DYNC2H1: variants seen among roughly 807,000 people sequenced by gnomAD.
DYNC2H1 encodes the protein cytoplasmic dynein 2 heavy chain 1.
DYNC2H1 carries 410 observed loss-of-function variants against 570.0 expected under a neutral mutation model. That is an observed-to-expected ratio of 0.72 (90% CI 0.66 to 0.78). The LOEUF (loss-of-function observed/expected upper bound fraction) is 0.78, where lower values mean the gene tolerates loss of function less well. Among genes scored for constraint, DYNC2H1 ranks in the 30% least tolerant of loss-of-function variants. The pLI, the probability that DYNC2H1 is intolerant of heterozygous loss-of-function variation, is 0.00. For synonymous variants in DYNC2H1, 1,688 were observed against 1,677.6 expected (o/e 1.01, Z -0.15); for missense variants, 4,865 against 5,046.4 (o/e 0.96, Z 1.09).
At chr11:103,296,245 G>A (rs537640831) in intron 75 of DYNC2H1, among the ~76,000 whole-genome samples, 47 of 152,220 alleles carry the variant, frequency 3.1e-4, no homozygotes, top group Admixed American at 2.5e-3. Flanking sequence ...GTTCCTGAAG[G>A]GGACAATTGC....
In DYNC2H1 at chr11:103,288,684, T is replaced by TAAAAAAAAAAAAAAAAAAAAAAAAAAAA. The variant is rs57040929; in HGVS notation, c.11095+1105_11095+1106insAAAAAAAAAAAAAAAAAAAAAAAAAAAA. Among the ~76,000 whole-genome samples, 8 of 27,908 alleles carry TAAAAAAAAAAAAAAAAAAAAAAAAAAAA rather than the reference T, an allele frequency of 2.9e-4. 1 individual carries two copies. Among genetic ancestry groups the TAAAAAAAAAAAAAAAAAAAAAAAAAAAA allele is most frequent in the Non-Finnish European group, 4.2e-4 (7 of 16,734 alleles). 18.3% of individuals were successfully genotyped at this position (27,908 alleles called of 152,430 possible). A position where few individuals can be genotyped will look rare whatever the true frequency, so the allele number is the denominator to read the frequency against. The stretch of plus-strand genomic sequence containing the variant: ...CTACATGGTGAAACCCCGTCTCTAC[T>TAAAAAAAAAAAAAAAAAAAAAAAAAAAA]AAAAAAAAAAAAAAAAAAAAAAAAA... On this transcript the variant is annotated intron_variant, in intron 75 of 88. Transcript: ENST00000375735.
At chr11:103,343,406 A>G (rs1231883216) in intron 82 of DYNC2H1, among the ~76,000 whole-genome samples, 2 of 151,888 alleles carry the variant, frequency 1.3e-5, no homozygotes, top group Non-Finnish European at 2.9e-5. Flanking sequence ...TTTCTCCTAT[A>G]AGAATGATTT....
At chr11:103,286,774 C>A (rs1475067133) in intron 74 of DYNC2H1, among the ~76,000 whole-genome samples, 2 of 152,050 alleles carry the variant, frequency 1.3e-5, no homozygotes, top group Non-Finnish European at 2.9e-5. Context: ...AATGTTGAAA[C>A]CTACTGGCAG....
At chr11:103,237,833 T>C (rs917061058) in intron 63 of DYNC2H1, among the ~76,000 whole-genome samples, 2 of 152,138 alleles carry the variant, frequency 1.3e-5, no homozygotes, top group Non-Finnish European at 2.9e-5. Context: ...GAATAATTTT[T>C]TTACCAATGT....
chr11:103,121,045 T>C lies in DYNC2H1; in HGVS notation c.1360+9T>C. The C allele has an allele frequency of 6.7e-7, 1 of 1,490,146 alleles. No homozygotes were observed. The highest frequency in any genetic ancestry group is 9.1e-7 in the Non-Finnish European group (1 of 1,102,406). The allele number at this position is 1,490,146 out of a possible 1,614,324, so 92.3% of individuals were successfully genotyped here. The stretch of plus-strand genomic sequence containing the variant: ...TGTGGACTCAATTAAAGGTAAAAGT[T>C]TATGAGATTATAGTGTTTGCTTGAG... On this transcript the variant is annotated intron_variant, in intron 9 of 88. Transcript: ENST00000375735.
chr11:103,419,161 G>A (rs1943390670), intron 84 of DYNC2H1, among the ~76,000 whole-genome samples: 1 of 152,186 alleles, frequency 6.6e-6, no homozygotes, highest in Non-Finnish European at 1.5e-5. Flanking sequence ...TTGGGGTAGG[G>A]GTGGCGGCCG....
rs566532831 is a variant in DYNC2H1 at position 103,311,983 on chromosome 11, C to T, written c.11599C>T (p.Leu3867Phe). 9 of 1,613,616 alleles carry T rather than the reference C, an allele frequency of 5.6e-6. No homozygotes were observed. The highest frequency in any genetic ancestry group is 5.5e-5 in the South Asian group (5 of 91,012). ...ACATCGAGCTCATGCTCTCTTCAGT[C>T]TTGCATGGTTTCATGCTGCATGTCA... ...NTHRAHALFS[L>F]AWFHAACQER... Residue 3867 changes from leucine to phenylalanine, a missense_variant, in exon 79 of 89, where the codon CTT (leucine) becomes TTT (phenylalanine). Physicochemically the swap from Leu to Phe is conservative, Grantham distance 22. Transcript: ENST00000375735.
chr11:103,138,999 G>C (rs1187805806), intron 17 of DYNC2H1, among the ~76,000 whole-genome samples: 1 of 150,748 alleles, frequency 6.6e-6, no homozygotes, highest in Non-Finnish European at 1.5e-5. Context: ...GTTTATTTGC[G>C]TAGAGGTGTT....
At chr11:103,471,362 ACTG>A (rs1023564565) in intron 88 of DYNC2H1, among the ~76,000 whole-genome samples, 7 of 152,180 alleles carry the variant, frequency 4.6e-5, no homozygotes, top group Admixed American at 4.6e-4. Flanking sequence ...CATGAGATCT[ACTG>A]CTAAGTGTTT....
chr11:103,245,421 A>G lies in DYNC2H1; in HGVS notation c.10042+47A>G, dbSNP rs1329203841. 1 of 1,518,752 alleles carries G rather than the reference A, an allele frequency of 6.6e-7. No homozygotes were observed. 94.1% of individuals were successfully genotyped at this position (1,518,752 alleles called of 1,614,324 possible). A position where few individuals can be genotyped will look rare whatever the true frequency, so the allele number is the denominator to read the frequency against. ...GAGTGTAAATATTTTTAAAATTTCC[A>G]AAGTAAGTAATTAAACCAGGTGCAA... On this transcript the variant is annotated intron_variant, in intron 65 of 88. Transcript: ENST00000375735. This position sits in a 1 kb window ranked among gnomAD's most constrained non-coding sequence, Gnocchi z 4.5.
intron 59 of DYNC2H1, 71 bp downstream of exon 59, chr11:103,223,157 T>C: frequency 7.4e-7 from 1 of 1,346,774 alleles, no homozygotes; most frequent in South Asian, 1.7e-5. Flanking sequence ...TTAATAATTA[T>C]TATTTTTATT....
chr11:103,192,476 A>G (rs1179411231), intron 47 of DYNC2H1, among the ~76,000 whole-genome samples: 1 of 152,206 alleles, frequency 6.6e-6, no homozygotes, highest in Non-Finnish European at 1.5e-5. Flanking sequence ...TTTCTTAGAA[A>G]AAAGTTCAGG....
intron 18 of DYNC2H1, among the ~76,000 whole-genome samples, chr11:103,143,940 G>A (rs899309735): frequency 6.6e-6 from 1 of 152,200 alleles, no homozygotes. Flanking sequence ...AAGGCCTTGT[G>A]TAATCATGCA....
chr11:103,297,992 A>G (rs1335330536), intron 75 of DYNC2H1, among the ~76,000 whole-genome samples: 1 of 152,062 alleles, frequency 6.6e-6, no homozygotes. Flanking sequence ...TCAGGCTTCT[A>G]TCCTTCCCCA....
chr11:103,227,201 G>A (rs4754061), intron 59 of DYNC2H1, among the ~76,000 whole-genome samples: 9,643 of 150,246 alleles, frequency 0.064, 571 homozygotes, highest in Admixed American at 0.19. Context: ...TCTAATCTTC[G>A]TTATTTTTTT....
chr11:103,220,354 A>G (rs573365716), intron 56 of DYNC2H1, among the ~76,000 whole-genome samples: 18 of 152,306 alleles, frequency 1.2e-4, no homozygotes, highest in African/African-American at 4.1e-4. Context: ...CCTAGGATAT[A>G]AAGAGCCTCT....
chr11:103,253,531 T>A (rs1219602182), intron 66 of DYNC2H1, 83 bp downstream of exon 66: 2 of 1,291,424 alleles, frequency 1.5e-6, no homozygotes, highest in Non-Finnish European at 2.1e-6. Flanking sequence ...GAAGCTATTT[T>A]GTTAGACTAA....
At position 103,189,960 on chromosome 11, in the gene DYNC2H1, G is replaced by C. The variant is rs1047177437; in HGVS notation, c.7437+144G>C. 9.3e-5 allele frequency: 75 copies of C among 805,098 alleles called. No homozygotes were observed. The African/African-American group carries it at 1.1e-3, about 12-fold the overall frequency. The allele number at this position is 805,098 out of a possible 1,614,324, so 49.9% of individuals were successfully genotyped here. On this transcript the variant is annotated intron_variant, in intron 45 of 88. Coordinates refer to ENST00000375735, the MANE Select transcript of DYNC2H1 (RefSeq NM_001377.3). The surrounding 1 kb of genome is among the most constrained non-coding windows in gnomAD (Gnocchi z 4.3). ...CTAGTAGAGAGTAACTGTGAAGACAGGTGCTGTGTGTGCCTTATTCACTGT... is the reference window on the plus strand; with the variant it reads ...CTAGTAGAGAGTAACTGTGAAGACACGTGCTGTGTGTGCCTTATTCACTGT...
At chr11:103,345,953 T>C (rs2135497435) in intron 82 of DYNC2H1, among the ~76,000 whole-genome samples, 2 of 152,346 alleles carry the variant, frequency 1.3e-5, no homozygotes, top group Non-Finnish European at 2.9e-5. Flanking sequence ...GTATAAGAGC[T>C]ACGTATTTCT....
Sources: allele counts gnomAD v4.1 joint callset (sites outside exome capture counted in the v4.1 genomes callset), GRCh38; gene constraint gnomAD v4.1.1; non-coding constraint Gnocchi (gnomAD v3.1); transcripts MANE v1.5; gene names NCBI Gene and HGNC (gene_info 2026-07-23, HGNC 2026-07-21).